The following CNTN4 variants were observed in gnomAD, a reference collection of about 807,000 sequenced individuals.
CNTN4 encodes the protein contactin-4.
In CNTN4, 77 loss-of-function variants were observed where a neutral mutation model predicts 122.5. That is an observed-to-expected ratio of 0.63 (90% CI 0.52 to 0.76). The LOEUF is 0.76. Among genes scored for constraint, CNTN4 ranks in the 30% least tolerant of loss-of-function variants. The pLI is 0.00. For synonymous variants in CNTN4, 512 were observed against 447.0 expected, an observed-to-expected ratio of 1.15 and a Z score of -1.83; for missense variants, 1,256 against 1,259.1, an observed-to-expected ratio of 1.00 and a Z score of 0.04.
At chr3:2,523,850 TG>T (rs1395321942) in intron 3 of CNTN4, among the ~76,000 whole-genome samples, 6 of 152,076 alleles carry the variant, frequency 3.9e-5, no homozygotes, top group African/African-American at 1.4e-4. Context: ...ACCCTTGTTT[TG>T]TAAATATACA....
At chr3:2,110,887 T>C (rs2032898465) in intron 2 of CNTN4, among the ~76,000 whole-genome samples, 2 of 152,182 alleles carry the variant, frequency 1.3e-5, no homozygotes, top group Non-Finnish European at 1.5e-5. Flanking sequence ...TTTGATAATA[T>C]TGTGACATGT....
chr3:3,055,191 C>T (rs1054064816), intron 24 of CNTN4, among the ~76,000 whole-genome samples: 5 of 152,118 alleles, frequency 3.3e-5, no homozygotes, highest in African/African-American at 7.2e-5. Context: ...TAACTTCTAT[C>T]GAAAGGGAGC....
chr3:2,730,401 C>T (rs75493183), intron 4 of CNTN4, among the ~76,000 whole-genome samples: 11,352 of 152,166 alleles, frequency 0.075, 602 homozygotes, highest in Non-Finnish European at 0.11. Flanking sequence ...ATGAGGGATG[C>T]TCACCTGTTT....
At chr3:2,934,897 C>T (rs985933419) in intron 13 of CNTN4, among the ~76,000 whole-genome samples, 16 of 152,220 alleles carry the variant, frequency 1.1e-4, no homozygotes, top group African/African-American at 3.4e-4. Context: ...CATGCAGTTA[C>T]GAAAGAGAGC....
chr3:2,506,190 C>T (rs1486056700), intron 3 of CNTN4, among the ~76,000 whole-genome samples: 2 of 152,150 alleles, frequency 1.3e-5, no homozygotes, highest in African/African-American at 2.4e-5. Context: ...AGCTGTGACT[C>T]CTGTCATGTA....
rs552552024 is a variant in CNTN4, at chr3:2,826,422, T to C, written c.454+6841T>C. On this transcript the variant is annotated intron_variant, in intron 7 of 24. Coordinates refer to ENST00000418658, the MANE Select transcript of CNTN4 (RefSeq NM_175607.3). ...TACGTGGACATACCCATACAGATTATAACCACAGCCCTTAAAAGAAGCAAG... is the reference window on the plus strand; with the variant it reads ...TACGTGGACATACCCATACAGATTACAACCACAGCCCTTAAAAGAAGCAAG... Among the ~76,000 whole-genome samples, 18 of 152,332 alleles carry C rather than the reference T, an allele frequency of 1.2e-4. No individual in the cohort carries two copies. In the East Asian group the frequency reaches 3.5e-3, roughly 29 times the overall value.
chr3:2,204,122 A>G (rs528093454), intron 2 of CNTN4, among the ~76,000 whole-genome samples: 1 of 152,178 alleles, frequency 6.6e-6, no homozygotes, highest in East Asian at 1.9e-4. Flanking sequence ...TTTTATATTC[A>G]TTCATTGTTA....
At chr3:2,859,131 T>TAA (rs1279404449) in intron 7 of CNTN4, among the ~76,000 whole-genome samples, 1 of 152,250 alleles carries the variant, frequency 6.6e-6, no homozygotes, top group East Asian at 1.9e-4. Context: ...CGTTTTGTGA[T>TAA]TCCACATGTG....
At chr3:2,895,398 A>G (rs1190005153) in intron 10 of CNTN4, among the ~76,000 whole-genome samples, 2 of 152,250 alleles carry the variant, frequency 1.3e-5, no homozygotes, top group Admixed American at 6.5e-5. Context: ...TCTCGCATAC[A>G]GATTACTTCC....
chr3:2,412,956 C>G (rs2047279781), intron 3 of CNTN4, among the ~76,000 whole-genome samples: 1 of 152,110 alleles, frequency 6.6e-6, no homozygotes, highest in African/African-American at 2.4e-5. Context: ...TAGACTTTAC[C>G]TTCAGAGTAG....
chr3:2,431,614 G>T (rs1377470893), intron 3 of CNTN4, among the ~76,000 whole-genome samples: 3 of 152,254 alleles, frequency 2.0e-5, no homozygotes, highest in Middle Eastern at 3.4e-3. Flanking sequence ...CAGAGGGACT[G>T]AACACGTGTT....
Position 2,309,966 on chromosome 3 carries a change from T to G in CNTN4, c.-144-29212T>G, listed in dbSNP as rs543819927. ...GAAATAGAAATAGTAAAAGCTTACT[T>G]GTATTAAATACTTTATGGTATGCTG... On this transcript the variant is annotated intron_variant, in intron 2 of 24. Coordinates refer to ENST00000418658, the MANE Select transcript of CNTN4 (RefSeq NM_175607.3). 4.6e-4 allele frequency among the ~76,000 whole-genome samples: 70 copies of G among 152,302 alleles called. 1 individual carries two copies. Among genetic ancestry groups the G allele is most frequent in the Middle Eastern group, 6.8e-3 (2 of 294 alleles).
chr3:2,674,036 C>T (rs985471261), intron 4 of CNTN4, among the ~76,000 whole-genome samples: 13 of 152,200 alleles, frequency 8.5e-5, no homozygotes, highest in African/African-American at 3.1e-4. Context: ...ACCTTCCAGC[C>T]CAGCTGATGC....
chr3:2,720,739 G>A (rs911096571), intron 4 of CNTN4, among the ~76,000 whole-genome samples: 1 of 152,142 alleles, frequency 6.6e-6, no homozygotes, highest in Admixed American at 6.5e-5. Flanking sequence ...AAGACATTTT[G>A]TGTTTACATA....
chr3:2,608,189 C>A (rs1382866), intron 4 of CNTN4, among the ~76,000 whole-genome samples: 94,371 of 152,062 alleles, frequency 0.62, 30,276 homozygotes, highest in East Asian at 0.86. Flanking sequence ...TTGTTAAATC[C>A]ACTCAGATAA....
intron 23 of CNTN4, among the ~76,000 whole-genome samples, chr3:3,048,516 C>CTGTGTGTG (rs765657967): frequency 8.9e-6 from 1 of 112,804 alleles, no homozygotes; most frequent in Non-Finnish European, 2.2e-5. Flanking sequence ...CTCTCTCTCT[C>CTGTGTGTG]TGTGTGTGTG....
intron 4 of CNTN4, among the ~76,000 whole-genome samples, chr3:2,711,725 G>A (rs189830360): frequency 3.9e-5 from 6 of 152,278 alleles, no homozygotes; most frequent in Admixed American, 2.0e-4. Flanking sequence ...CCCAACTGCT[G>A]AGCATCAGAA....
At chr3:2,277,756 C>T (rs1212623292) in intron 2 of CNTN4, among the ~76,000 whole-genome samples, 1 of 152,166 alleles carries the variant, frequency 6.6e-6, no homozygotes, top group African/African-American at 2.4e-5. Flanking sequence ...TGATTTCCCT[C>T]CATTGTAGGT....
intron 3 of CNTN4, among the ~76,000 whole-genome samples, chr3:2,438,969 C>A (rs2048344113): frequency 6.6e-6 from 1 of 152,186 alleles, no homozygotes; most frequent in African/African-American, 2.4e-5. Flanking sequence ...AACACTGGGA[C>A]AGCAAGTGCA....
Sources: allele counts gnomAD v4.1 joint callset (sites outside exome capture counted in the v4.1 genomes callset), GRCh38; gene constraint gnomAD v4.1.1; transcripts MANE v1.5; gene names NCBI Gene and HGNC (gene_info 2026-07-23, HGNC 2026-07-21).